NT5C1B: variants seen among roughly 807,000 people sequenced by gnomAD.
NT5C1B encodes the protein 5'-nucleotidase, cytosolic IB, also known as cytosolic 5'-nucleotidase 1B.
In NT5C1B, 44 loss-of-function variants were observed where a neutral mutation model predicts 57.8. The ratio of observed to expected loss-of-function variants is 0.76; its 90% CI spans 0.60 to 0.98. NT5C1B has a LOEUF of 0.98. Among genes scored for constraint, NT5C1B ranks in the 50% least tolerant of loss-of-function variants. NT5C1B has a pLI of 0.00. For missense variants in NT5C1B, 742 were observed against 719.5 expected (o/e 1.03, Z -0.36); for synonymous variants, 284 against 282.6 (o/e 1.00, Z -0.05).
intron 8 of NT5C1B, among the ~76,000 whole-genome samples, chr2:18,566,983 CA>C (rs1664699765): frequency 6.6e-6 from 1 of 152,154 alleles, no homozygotes; most frequent in African/African-American, 2.4e-5. Flanking sequence ...AGCTTCCATA[CA>C]AGCAAGTACA....
At chr2:18,587,309 C>A in intron 2 of NT5C1B, 194 bp downstream of exon 2, 1 of 1,478,508 alleles carries the variant, frequency 6.8e-7, no homozygotes, top group East Asian at 2.5e-5. Context: ...GAAGTGAACA[C>A]TAGGGTATGG....
rs183686876 is a variant in NT5C1B, at chr2:18,563,769, T to C, written c.*27A>G. On this transcript the variant is annotated 3_prime_UTR_variant, in exon 9 of 9. Transcript: ENST00000304081. ...AAGTGGCTTCTGTAACACCAGACTATCACCACTTTATTTCTCCTCCCTGCC... is the reference window on the plus strand; with the variant it reads ...AAGTGGCTTCTGTAACACCAGACTACCACCACTTTATTTCTCCTCCCTGCC... The C allele has an allele frequency of 1.4e-4, 207 of 1,495,286 alleles. No individual in the cohort carries two copies. The African/African-American group carries it at 2.7e-3, about 20-fold the overall frequency. The allele number at this position is 1,495,286 out of a possible 1,614,324, so 92.6% of individuals were successfully genotyped here. A position where few individuals can be genotyped will look rare whatever the true frequency, so the allele number is the denominator to read the frequency against.
intron 8 of NT5C1B, among the ~76,000 whole-genome samples, chr2:18,568,095 C>T (rs865892242): frequency 7.4e-6 from 1 of 135,852 alleles, no homozygotes; most frequent in African/African-American, 3.4e-5. Context: ...GGGACACACA[C>T]ACACACACAC....
intron 6 of NT5C1B, among the ~76,000 whole-genome samples, chr2:18,581,216 G>A (rs1449213752): frequency 6.6e-6 from 1 of 152,170 alleles, no homozygotes; most frequent in Admixed American, 6.5e-5. Context: ...TGTCTAGAAA[G>A]TGATTTGATG....
At chr2:18,563,909 A>C in exon 9 of NT5C1B, 2 of 1,614,188 alleles carry the variant, frequency 1.2e-6, no homozygotes, top group South Asian at 2.2e-5. Context: ...ATCTTCACCA[A>C]GATGGGACTT....
chr2:18,576,592 G>A (rs1276413295), intron 7 of NT5C1B, among the ~76,000 whole-genome samples, 181 bp downstream of exon 7: 1 of 152,178 alleles, frequency 6.6e-6, no homozygotes, highest in Non-Finnish European at 1.5e-5. Context: ...AATTACTGAG[G>A]ATGTCCATTT....
intron 5 of NT5C1B, 103 bp from the exon 6 acceptor site, chr2:18,583,100 G>C (rs949657664): frequency 1.4e-6 from 2 of 1,429,238 alleles, no homozygotes; most frequent in African/African-American, 2.9e-5. Flanking sequence ...AAGCTCTGAA[G>C]AATCTTCACT....
chr2:18,571,708 C>CTG (rs1381694139), intron 8 of NT5C1B, among the ~76,000 whole-genome samples: 1,602 of 94,016 alleles, frequency 0.017, 15 homozygotes, highest in Non-Finnish European at 0.022. Context: ...CTCTTTCTCT[C>CTG]TGTGTGTGTG....
In NT5C1B at chr2:18,584,376, G is replaced by T; in HGVS notation, c.724-121C>A. The T allele has an allele frequency of 6.5e-7, 1 of 1,535,776 alleles. No homozygotes were observed. Among genetic ancestry groups the T allele is most frequent in the South Asian group, 1.3e-5 (1 of 79,740 alleles). Reference sequence around the variant, plus strand: ...CCCCTGCTTGGAGAAGCGGGATGCTGGAGACAGCTGAGGCTGGGACTCCCC... The same window carrying T: ...CCCCTGCTTGGAGAAGCGGGATGCTTGAGACAGCTGAGGCTGGGACTCCCC... On this transcript the variant is annotated intron_variant, in intron 4 of 8. Coordinates refer to ENST00000304081, the Ensembl canonical transcript of NT5C1B. This position sits in a 1 kb window ranked among gnomAD's most constrained non-coding sequence, Gnocchi z 5.8.
Position 18,587,055 on chromosome 2 carries a change from A to G in NT5C1B, c.120+448T>C, listed in dbSNP as rs761277392. On this transcript the variant is annotated intron_variant, in intron 2 of 8. Coordinates refer to ENST00000304081, the Ensembl canonical transcript of NT5C1B. ...CAGGCACATGTGAATATAAATACGT[A>G]TTGTGTGGCAGGGGCCAAGGGCTGT... The G allele has an allele frequency of 3.8e-5, 61 of 1,613,878 alleles. No homozygotes were observed. The highest frequency in any genetic ancestry group is 1.5e-4 in the Admixed American group (9 of 60,002).
Position 18,584,301 on chromosome 2 carries a change from G to T in NT5C1B, c.724-46C>A. Reference sequence around the variant, plus strand: ...GGGAGGATAGTCACATAGCCACGAAGAGGACAGGGTTGGGGCTCCTCCAGG... The same window carrying T: ...GGGAGGATAGTCACATAGCCACGAATAGGACAGGGTTGGGGCTCCTCCAGG... On this transcript the variant is annotated intron_variant, in intron 4 of 8. Coordinates refer to ENST00000304081, the Ensembl canonical transcript of NT5C1B. This position sits in a 1 kb window ranked among gnomAD's most constrained non-coding sequence, Gnocchi z 5.8. The T allele has an allele frequency of 6.3e-7, 1 of 1,598,926 alleles. No homozygotes were observed. The highest frequency in any genetic ancestry group is 8.5e-7 in the Non-Finnish European group (1 of 1,172,102).
At chr2:18,571,279 C>G (rs1665126640) in intron 8 of NT5C1B, among the ~76,000 whole-genome samples, 1 of 151,592 alleles carries the variant, frequency 6.6e-6, no homozygotes, top group Non-Finnish European at 1.5e-5. Flanking sequence ...CTTAGAAAAT[C>G]TCAATCTACA....
chr2:18,586,997 C>G, intron 2 of NT5C1B: 1 of 1,614,166 alleles, frequency 6.2e-7, no homozygotes, highest in South Asian at 1.1e-5. Context: ...TGCTCACCCT[C>G]ATCATGGTGA....
exon 8 of NT5C1B, chr2:18,576,194 G>A (rs1390534187): frequency 6.2e-7 from 1 of 1,611,176 alleles, no homozygotes; most frequent in African/African-American, 1.3e-5. Context: ...CTGAGCAAGA[G>A]GCTTACTTTC....
chr2:18,585,029 G>T (rs376489214), intron 3 of NT5C1B, 51 bp from the exon 4 acceptor site: 18 of 1,585,002 alleles, frequency 1.1e-5, no homozygotes, highest in Non-Finnish European at 1.5e-5. Flanking sequence ...GCCCATCTCC[G>T]GTCAAGGATC....
chr2:18,587,631 C>A, intron 1 of NT5C1B, 39 bp from the exon 2 acceptor site: 1 of 1,590,566 alleles, frequency 6.3e-7, no homozygotes, highest in East Asian at 2.2e-5. Context: ...AATTTTTAAT[C>A]TCAGGGCATT....
At chr2:18,572,651 C>A (rs1474953758) in intron 8 of NT5C1B, among the ~76,000 whole-genome samples, 3 of 151,986 alleles carry the variant, frequency 2.0e-5, no homozygotes, top group South Asian at 2.1e-4. Context: ...GGTACTTCAC[C>A]AAAGAAGATA....
chr2:18,588,448 A>G (rs976057026), intron 1 of NT5C1B, among the ~76,000 whole-genome samples: 2 of 152,190 alleles, frequency 1.3e-5, no homozygotes, highest in African/African-American at 4.8e-5. Flanking sequence ...AATCTCATCA[A>G]TGTTAGTTGC....
At chr2:18,587,250 C>T (rs1238769616) in intron 2 of NT5C1B, 1 of 1,521,384 alleles carries the variant, frequency 6.6e-7, no homozygotes, top group Non-Finnish European at 8.8e-7. Context: ...AGACCAGTCT[C>T]CCCCCTGTGT....
Sources: allele counts gnomAD v4.1 joint callset (sites outside exome capture counted in the v4.1 genomes callset), GRCh38; gene constraint gnomAD v4.1.1; non-coding constraint Gnocchi (gnomAD v3.1); transcripts MANE v1.5; gene names NCBI Gene and HGNC (gene_info 2026-07-23, HGNC 2026-07-21).